SEMA6D: variants seen among roughly 807,000 people sequenced by gnomAD.
SEMA6D encodes semaphorin-6D.
SEMA6D carries 35 observed loss-of-function variants against 106.6 expected under a neutral mutation model. That is an observed-to-expected ratio of 0.33 (90% CI 0.25 to 0.44). SEMA6D has a LOEUF of 0.44. Ranked by LOEUF, SEMA6D falls within the 20% of genes least tolerant of loss-of-function variation. The pLI is 1.00. For missense variants in SEMA6D, 1,185 were observed against 1,345.9 expected (o/e 0.88, Z 1.87); for synonymous variants, 499 against 487.7 (o/e 1.02, Z -0.31).
chr15:47,383,300 C>T (rs777216931), intron 1 of SEMA6D, among the ~76,000 whole-genome samples: 2 of 152,180 alleles, frequency 1.3e-5, no homozygotes, highest in African/African-American at 4.8e-5. Flanking sequence ...TCTAGCAGAG[C>T]TTCTGATTCA....
chr15:47,631,474 A>C (rs1252301832), intron 4 of SEMA6D, among the ~76,000 whole-genome samples: 1 of 151,960 alleles, frequency 6.6e-6, no homozygotes. Flanking sequence ...AATGAAAGAA[A>C]AAGGAAAAAA....
chr15:47,207,613 T>C (rs1399523499), intron 1 of SEMA6D, among the ~76,000 whole-genome samples: 2 of 152,156 alleles, frequency 1.3e-5, no homozygotes, highest in Non-Finnish European at 2.9e-5. Flanking sequence ...GAGAAGAGGA[T>C]GTGAAGATTT....
At chr15:47,406,304 T>G (rs564059617) in intron 1 of SEMA6D, among the ~76,000 whole-genome samples, 1 of 152,132 alleles carries the variant, frequency 6.6e-6, no homozygotes, top group Non-Finnish European at 1.5e-5. Context: ...CCTGAAGAAT[T>G]TGGAATGGAG....
intron 1 of SEMA6D, among the ~76,000 whole-genome samples, chr15:47,316,113 G>GTTTTTTTTTTT (rs2036666195): frequency 4.2e-4 from 1 of 2,396 alleles, no homozygotes; most frequent in African/African-American, 1.6e-3. Context: ...TTTTTTTTGA[G>GTTTTTTTTTTT]ACAGAATCTT....
chr15:47,765,817 A>T, intron 13 of SEMA6D, 52 bp from the exon 14 acceptor site: 1 of 1,430,872 alleles, frequency 7.0e-7, no homozygotes, highest in Non-Finnish European at 9.2e-7. Context: ...GCTAAAGCAA[A>T]CCACACTTGA....
At chr15:47,320,372 T>C (rs903607134) in intron 1 of SEMA6D, among the ~76,000 whole-genome samples, 2 of 152,188 alleles carry the variant, frequency 1.3e-5, no homozygotes, top group African/African-American at 4.8e-5. Flanking sequence ...CATTAAGATA[T>C]AATAGTGTTC....
intron 1 of SEMA6D, among the ~76,000 whole-genome samples, chr15:47,261,533 C>T (rs1179010865): frequency 6.6e-6 from 1 of 152,102 alleles, no homozygotes; most frequent in Non-Finnish European, 1.5e-5. Context: ...TTGATATATA[C>T]ATCACCCATT....
intron 1 of SEMA6D, among the ~76,000 whole-genome samples, chr15:47,356,507 A>G (rs939790307): frequency 6.6e-6 from 1 of 152,024 alleles, no homozygotes; most frequent in Non-Finnish European, 1.5e-5. Context: ...CTGTGGGAAG[A>G]TGAGGAGGAA....
intron 3 of SEMA6D, among the ~76,000 whole-genome samples, chr15:47,560,704 G>A (rs2046053413): frequency 6.6e-6 from 1 of 152,060 alleles, no homozygotes; most frequent in Admixed American, 6.6e-5. Context: ...ACCTGTAAAT[G>A]TGACCTAATA....
At chr15:47,496,132 A>T (rs530424541) in intron 3 of SEMA6D, among the ~76,000 whole-genome samples, 1 of 152,204 alleles carries the variant, frequency 6.6e-6, no homozygotes, top group East Asian at 1.9e-4. Flanking sequence ...ATGCTAATAT[A>T]TACTAATGGA....
chr15:47,329,830 T>G (rs1347679247), intron 1 of SEMA6D, among the ~76,000 whole-genome samples: 2 of 152,230 alleles, frequency 1.3e-5, no homozygotes, highest in Non-Finnish European at 2.9e-5. Flanking sequence ...GAAACAGAAC[T>G]TGATAGTCAT....
At chr15:47,726,525 G>A (rs1342288972) in intron 1 of SEMA6D, among the ~76,000 whole-genome samples, 1 of 152,232 alleles carries the variant, frequency 6.6e-6, no homozygotes, top group Non-Finnish European at 1.5e-5. Flanking sequence ...TAGGCAGTGT[G>A]AGTAAGAACA....
In SEMA6D at chr15:47,771,909, C is replaced by T; in HGVS notation, c.*124C>T. ...TAAGAGAACCAAGTGGCCAAAGAAA[C>T]TCTTTCTAACTTTGGCAACATCAGA... is the stretch of plus-strand genomic sequence containing the variant. On this transcript the variant is annotated 3_prime_UTR_variant, in exon 19 of 19. Coordinates refer to ENST00000536845, the MANE Select transcript of SEMA6D (RefSeq NM_001358351.3). 1 of 1,038,854 alleles carries T rather than the reference C, an allele frequency of 9.6e-7. No homozygotes were observed. Among genetic ancestry groups the T allele is most frequent in the South Asian group, 1.6e-5 (1 of 61,918 alleles). 64.4% of individuals were successfully genotyped at this position (1,038,854 alleles called of 1,614,324 possible). A position where few individuals can be genotyped will look rare whatever the true frequency, so the allele number is the denominator to read the frequency against.
chr15:47,625,196 A>G (rs2077179768), intron 4 of SEMA6D, among the ~76,000 whole-genome samples: 1 of 152,152 alleles, frequency 6.6e-6, no homozygotes, highest in African/African-American at 2.4e-5. Context: ...GCTCATGGAG[A>G]GGAATAAAAA....
intron 4 of SEMA6D, among the ~76,000 whole-genome samples, chr15:47,618,875 G>A (rs2077052031): frequency 6.6e-6 from 1 of 152,168 alleles, no homozygotes; most frequent in South Asian, 2.1e-4. Flanking sequence ...GATTCAGAGA[G>A]ATGATATGTG....
intron 2 of SEMA6D, among the ~76,000 whole-genome samples, chr15:47,426,787 T>C (rs575528182): frequency 2.6e-5 from 4 of 152,266 alleles, no homozygotes; most frequent in African/African-American, 9.6e-5. Flanking sequence ...TTTGAATATG[T>C]TTTATAATAT....
intron 3 of SEMA6D, among the ~76,000 whole-genome samples, chr15:47,575,062 C>A (rs1184137782): frequency 1.3e-5 from 2 of 152,084 alleles, no homozygotes; most frequent in East Asian, 3.9e-4. Context: ...TAAGTTAGAC[C>A]TATAAAGTGA....
chr15:47,556,917 T>C (rs1342518974), intron 3 of SEMA6D, among the ~76,000 whole-genome samples: 6 of 152,134 alleles, frequency 3.9e-5, no homozygotes, highest in Admixed American at 2.6e-4. Context: ...TTCTCTCTTA[T>C]TGCTGTGTGA....
chr15:47,303,029 A>T (rs913584862), intron 1 of SEMA6D, among the ~76,000 whole-genome samples: 1 of 152,206 alleles, frequency 6.6e-6, no homozygotes, highest in African/African-American at 2.4e-5. Context: ...ACTTGGGCCT[A>T]TGCTGGTTGT....
Sources: gnomAD v4.1 joint callset for allele counts (sites outside exome capture counted in the v4.1 genomes callset) on GRCh38, gnomAD v4.1.1 for gene constraint, MANE v1.5 for transcripts, NCBI Gene and HGNC (gene_info 2026-07-23, HGNC 2026-07-21) for gene names.